Variants in SRFBP1 observed in about 807,000 individuals in gnomAD.
SRFBP1 encodes the protein serum response factor-binding protein 1.
A neutral mutation model predicts 45.5 loss-of-function variants in SRFBP1; 47 were observed. The observed-to-expected ratio is 1.03, with a 90% CI of 0.82 to 1.32. The LOEUF (loss-of-function observed/expected upper bound fraction) is 1.32. SRFBP1 is among the 40% of genes most tolerant of loss of function. SRFBP1 has a pLI of 0.00. For missense variants in SRFBP1, 621 were observed against 484.6 expected (o/e 1.28, Z -2.64); for synonymous variants, 203 against 166.3 (o/e 1.22, Z -1.70).
rs1752684917 is a variant in SRFBP1 at position 121,994,720 on chromosome 5, A to G, written c.270+50A>G. The G allele has an allele frequency of 1.1e-5, 13 of 1,232,190 alleles. No homozygotes were observed. In the East Asian group the frequency reaches 3.3e-4, roughly 31 times the overall value. The allele number at this position is 1,232,190 out of a possible 1,614,324, so 76.3% of individuals were successfully genotyped here. On this transcript the variant is annotated intron_variant, in intron 4 of 7. Coordinates refer to ENST00000339397, the MANE Select transcript of SRFBP1 (RefSeq NM_152546.3). ...GTCTTATGAAAAGTTTCTCATCTAT[A>G]TTGCTTACTTTTTTCTTGAAGAGAA...
intron 7 of SRFBP1, among the ~76,000 whole-genome samples, chr5:122,025,233 T>C (rs1482187536): frequency 6.6e-6 from 1 of 152,138 alleles, no homozygotes; most frequent in Non-Finnish European, 1.5e-5. Flanking sequence ...GTCCTTGCGA[T>C]GGTTTGCTGA....
chr5:122,020,444 A>T lies in SRFBP1; in HGVS notation c.709A>T (p.Lys237Ter). The T allele has an allele frequency of 6.2e-7, 1 of 1,614,134 alleles. No individual in the cohort carries two copies. The highest frequency in any genetic ancestry group is 8.5e-7 in the Non-Finnish European group (1 of 1,180,006). Reference sequence around the variant, plus strand: ...AACTCTAAGTCAAACCAAAAAAAACAAAGGATCTGATAGCTCACTCTCTGG... The same window carrying T: ...AACTCTAAGTCAAACCAAAAAAAACTAAGGATCTGATAGCTCACTCTCTGG... ...LKTLSQTKKN[K>*]GSDSSLSGNS... The change falls in exon 6 of 8, where the codon AAA becomes TAA. Residue 237 changes from lysine to a stop codon, truncating the protein, a stop_gained. Transcript: ENST00000339397. LOFTEE classifies it high-confidence loss of function.
At chr5:121,969,612 T>C (rs1318214344) in intron 1 of SRFBP1, among the ~76,000 whole-genome samples, 1 of 152,130 alleles carries the variant, frequency 6.6e-6, no homozygotes, top group African/African-American at 2.4e-5. Flanking sequence ...AGGTTAACTT[T>C]AAAGGCTTCT....
chr5:122,011,893 C>A (rs1753101885), intron 4 of SRFBP1, among the ~76,000 whole-genome samples: 2 of 152,078 alleles, frequency 1.3e-5, no homozygotes, highest in Admixed American at 6.6e-5. Flanking sequence ...AAAACACTGC[C>A]AAGGGAATAA....
At chr5:122,021,978 C>T (rs1321338177) in intron 6 of SRFBP1, among the ~76,000 whole-genome samples, 1 of 151,616 alleles carries the variant, frequency 6.6e-6, no homozygotes. Context: ...ACAGGCGTGA[C>T]CCACCGTGCC....
chr5:122,062,363 A>G (rs1044592889), intron 2 of SRFBP1, among the ~76,000 whole-genome samples: 1 of 151,938 alleles, frequency 6.6e-6, no homozygotes, highest in Non-Finnish European at 1.5e-5. Flanking sequence ...TTAATCCTCT[A>G]CTAATATCTG....
At chr5:121,983,720 A>C (rs1479828132) in intron 3 of SRFBP1, among the ~76,000 whole-genome samples, 2 of 151,808 alleles carry the variant, frequency 1.3e-5, no homozygotes, top group Admixed American at 1.3e-4. Context: ...TAGAATATGA[A>C]GATTCAACTT....
At chr5:122,076,716 T>A (rs893207820), downstream of SRFBP1, among the ~76,000 whole-genome samples, 2 of 128,376 alleles carry the variant, frequency 1.6e-5, no homozygotes, top group African/African-American at 5.2e-5. Flanking sequence ...ACAGAAATCT[T>A]CAAAAATATT....
intron 3 of SRFBP1, among the ~76,000 whole-genome samples, chr5:121,994,164 T>G (rs1042019908): frequency 6.6e-6 from 1 of 152,054 alleles, no homozygotes; most frequent in Admixed American, 6.6e-5. Context: ...TTCTGCTTTA[T>G]GTAATAGTTG....
chr5:122,057,449 G>T (rs1461052272), intron 2 of SRFBP1, among the ~76,000 whole-genome samples: 3 of 138,536 alleles, frequency 2.2e-5, no homozygotes, highest in Non-Finnish European at 4.6e-5. Context: ...CATTTGGATT[G>T]TTCTCAGTTC....
chr5:122,014,539 C>T (rs1353968630), intron 4 of SRFBP1, among the ~76,000 whole-genome samples: 2 of 151,150 alleles, frequency 1.3e-5, no homozygotes, highest in Non-Finnish European at 2.9e-5. Flanking sequence ...CATAAAAACA[C>T]AGTTATAGAA....
chr5:122,054,225 G>A (rs926002890), intron 2 of SRFBP1, among the ~76,000 whole-genome samples: 2 of 152,164 alleles, frequency 1.3e-5, no homozygotes, highest in Non-Finnish European at 2.9e-5. Flanking sequence ...GTGTGGTAGG[G>A]GTTTCTGGGA....
intron 2 of SRFBP1, among the ~76,000 whole-genome samples, 188 bp downstream of exon 2, chr5:121,974,472 T>C (rs1752262871): frequency 6.6e-6 from 1 of 151,962 alleles, no homozygotes; most frequent in Non-Finnish European, 1.5e-5. Flanking sequence ...TTCTATGGTT[T>C]GGACCATCAT....
Position 122,054,175 on chromosome 5 carries a change from C to T in SRFBP1, n.312-21140C>T, listed in dbSNP as rs565196204. Among the ~76,000 whole-genome samples the T allele has an allele frequency of 3.3e-5, 5 of 152,264 alleles. No homozygotes were observed. In the East Asian group the frequency reaches 9.7e-4, roughly 29 times the overall value. On this transcript the variant is annotated intron_variant and non_coding_transcript_variant, in intron 2 of 2. Coordinates refer to the SRFBP1 transcript ENST00000504881. ...GGTCCCTTTGGACTTGACTGTTGCCCCCACAAAACATCTGAGTGGCTCCCT... is the reference window on the plus strand; with the variant it reads ...GGTCCCTTTGGACTTGACTGTTGCCTCCACAAAACATCTGAGTGGCTCCCT...
At chr5:121,997,253 G>A (rs1253656426) in intron 4 of SRFBP1, among the ~76,000 whole-genome samples, 3 of 148,612 alleles carry the variant, frequency 2.0e-5, no homozygotes, top group Non-Finnish European at 4.5e-5. Flanking sequence ...CACACTACCT[G>A]ACTTCAAACT....
intron 2 of SRFBP1, among the ~76,000 whole-genome samples, chr5:122,043,891 A>G (rs548508985): frequency 3.3e-5 from 5 of 152,144 alleles, no homozygotes; most frequent in African/African-American, 1.2e-4. Flanking sequence ...GTGGATGTGC[A>G]GGTTTGTTAT....
chr5:122,054,326 A>G (rs1240947186), intron 2 of SRFBP1, among the ~76,000 whole-genome samples: 4 of 152,008 alleles, frequency 2.6e-5, no homozygotes, highest in East Asian at 1.9e-4. Flanking sequence ...CCTTTCCTGT[A>G]TTGGAGAGGT....
Position 122,074,106 on chromosome 5 carries a change from T to G in SRFBP1, n.312-1209T>G. On this transcript the variant is annotated intron_variant and non_coding_transcript_variant, in intron 2 of 2. Coordinates refer to the SRFBP1 transcript ENST00000504881. ...AACTTGCTTTGTGGCCTTCAGCCAC[T>G]CTCCTCTGGGTGTTGGCATCAAGCA... 6.2e-7 allele frequency: 1 copy of G among 1,613,962 alleles called. No individual in the cohort carries two copies. Among genetic ancestry groups the G allele is most frequent in the African/African-American group, 1.3e-5 (1 of 75,022 alleles).
intron 7 of SRFBP1, among the ~76,000 whole-genome samples, chr5:122,025,713 T>A (rs1300431666): frequency 6.6e-6 from 1 of 152,210 alleles, no homozygotes; most frequent in African/African-American, 2.4e-5. Context: ...GTTGTTTTGA[T>A]TTCTGTCTAG....
Sources: gnomAD v4.1 joint callset for allele counts (sites outside exome capture counted in the v4.1 genomes callset) on GRCh38, gnomAD v4.1.1 for gene constraint, MANE v1.5 for transcripts, NCBI Gene and HGNC (gene_info 2026-07-23, HGNC 2026-07-21) for gene names.